HSPA4L: variants seen among roughly 807,000 people sequenced by gnomAD.
The protein encoded by HSPA4L is heat shock 70 kDa protein 4L.
In HSPA4L, 48 loss-of-function variants were observed where a neutral mutation model predicts 100.3. The observed-to-expected ratio is 0.48, with a 90% CI of 0.38 to 0.61. The LOEUF is 0.61. Ranked by LOEUF, HSPA4L falls within the 20% of genes least tolerant of loss-of-function variation. The probability of loss-of-function intolerance (pLI) is 0.00; values close to 1 mark genes in which losing one functional copy is unlikely to be tolerated. For synonymous variants in HSPA4L, 319 were observed against 328.2 expected, an observed-to-expected ratio of 0.97 and a Z score of 0.30; for missense variants, 886 against 988.6, an observed-to-expected ratio of 0.90 and a Z score of 1.39.
intron 4 of HSPA4L, among the ~76,000 whole-genome samples, chr4:127,799,016 CA>C (rs947585190): frequency 6.6e-6 from 1 of 152,076 alleles, no homozygotes; most frequent in African/African-American, 2.4e-5. Flanking sequence ...AGGACCTTAA[CA>C]TTTTATAGCA....
At chr4:127,795,739 T>G (rs775399179) in intron 2 of HSPA4L, 29 bp from the exon 3 acceptor site, 1 of 1,608,196 alleles carries the variant, frequency 6.2e-7, no homozygotes, top group Non-Finnish European at 8.5e-7. Context: ...ATTAGGTAAC[T>G]GATAAATACA....
At position 127,808,841 on chromosome 4, in the gene HSPA4L, C is replaced by G. The variant is rs139082271; in HGVS notation, c.1378+712C>G. ...AGGAGGCTGAGGCAGGAGAATTGCT[C>G]GAACCCAGGAGGCAGAGGCTGCAGT... On this transcript the variant is annotated intron_variant, in intron 11 of 18. Transcript: ENST00000296464. 1.3e-3 allele frequency among the ~76,000 whole-genome samples: 200 copies of G among 152,134 alleles called. 5 individuals carry two copies. In the East Asian group the frequency reaches 0.029, roughly 22 times the overall value.
intron 8 of HSPA4L, among the ~76,000 whole-genome samples, chr4:127,804,370 C>T (rs765283476): frequency 5.1e-4 from 77 of 151,994 alleles, no homozygotes; most frequent in Non-Finnish European, 1.0e-3. Flanking sequence ...CTTTGGGAGG[C>T]CGAGGTGGGT....
At chr4:127,789,377 T>C (rs1410947151) in intron 1 of HSPA4L, among the ~76,000 whole-genome samples, 1 of 152,236 alleles carries the variant, frequency 6.6e-6, no homozygotes, top group African/African-American at 2.4e-5. Flanking sequence ...CCGGGCACGG[T>C]GGCTCACGCC....
rs747943673 is a variant in HSPA4L, at chr4:127,803,817, T to C, written c.852T>C (p.Leu284=). The change falls in exon 7 of 19, where the codon CTT becomes CTC. Residue 284 remains leucine (L), a synonymous_variant. Transcript: ENST00000296464. ...KKLMSANASD[L]PLNIECFMND... The stretch of plus-strand genomic sequence containing the variant: ...TAATGAGTGCAAATGCATCAGATCT[T>C]CCATTGAACATTGAGTGTTTCATGA... 7 of 1,613,774 alleles carry C rather than the reference T, an allele frequency of 4.3e-6. No individual in the cohort carries two copies. Among genetic ancestry groups the C allele is most frequent in the Non-Finnish European group, 5.9e-6 (7 of 1,179,868 alleles).
At position 127,832,807 on chromosome 4, in the gene HSPA4L, C is replaced by CTTGAT. The variant is rs1428760016; in HGVS notation, c.2454_2455insTGATT (p.Lys819Ter). The CTTGAT allele has an allele frequency of 2.5e-6, 4 of 1,613,486 alleles. No individual in the cohort carries two copies. ...ATGGATGGACAGAGTGGAACTGAAA[C>CTTGAT]TAAATCAGATTCAACAAAAGACAGC... On this transcript the variant is annotated stop_gained and frameshift_variant, in exon 19 of 19. Coordinates refer to ENST00000296464, the MANE Select transcript of HSPA4L (RefSeq NM_014278.4). LOFTEE classifies it high-confidence loss of function.
chr4:127,823,691 C>T, intron 16 of HSPA4L, 67 bp downstream of exon 16: 1 of 869,948 alleles, frequency 1.1e-6, no homozygotes, highest in Non-Finnish European at 1.8e-6. Flanking sequence ...GGTGTAAGAG[C>T]ACAGTTTATG....
In HSPA4L at chr4:127,804,008, C is replaced by T. The variant is rs762559566; in HGVS notation, c.909-3C>T. 8.7e-6 allele frequency: 14 copies of T among 1,613,826 alleles called. No individual in the cohort carries two copies. The highest frequency in any genetic ancestry group is 1.2e-5 in the Non-Finnish European group (14 of 1,179,828). ...TAATGAATTTTATTCTATTTTCTCA[C>T]AGGGCTCAATTTGAACAACTGTGTG... On this transcript the variant is annotated splice_region_variant and splice_polypyrimidine_tract_variant and intron_variant, in intron 7 of 18. Transcript: ENST00000296464.
At chr4:127,791,248 T>C (rs1459429141) in intron 1 of HSPA4L, among the ~76,000 whole-genome samples, 1 of 152,232 alleles carries the variant, frequency 6.6e-6, no homozygotes, top group East Asian at 1.9e-4. Context: ...TAGTATTAAA[T>C]TTTTAGAATC....
intron 12 of HSPA4L, among the ~76,000 whole-genome samples, chr4:127,816,119 G>A (rs1733664867): frequency 2.0e-5 from 3 of 152,248 alleles, no homozygotes; most frequent in African/African-American, 7.2e-5. Flanking sequence ...GTTCATGGTA[G>A]TATCTAGATT....
chr4:127,809,133 C>A, intron 11 of HSPA4L: 1 of 714,462 alleles, frequency 1.4e-6, no homozygotes, highest in East Asian at 2.5e-5. Context: ...AAGTGCTCAC[C>A]ATTTGCCACT....
chr4:127,812,610 C>T, intron 12 of HSPA4L: 1 of 636,642 alleles, frequency 1.6e-6, no homozygotes, highest in Non-Finnish European at 2.8e-6. Flanking sequence ...GATTTTTTGT[C>T]TAATTACAAT....
intron 6 of HSPA4L, among the ~76,000 whole-genome samples, chr4:127,802,924 C>G (rs1413113843): frequency 6.6e-6 from 1 of 152,114 alleles, no homozygotes; most frequent in Admixed American, 6.6e-5. Context: ...AAAACCACCC[C>G]AACAGTAGGA....
chr4:127,812,808 C>G, intron 12 of HSPA4L: 4 of 1,385,368 alleles, frequency 2.9e-6, no homozygotes, highest in Non-Finnish European at 4.1e-6. Flanking sequence ...GTGGAGCAGG[C>G]TGGCGCTTTA....
Position 127,838,148 on chromosome 4 carries a change from T to C in HSPA4L, c.*5274T>C, listed in dbSNP as rs1450715855. On this transcript the variant is annotated 3_prime_UTR_variant, in exon 19 of 19. Coordinates refer to ENST00000296464, the MANE Select transcript of HSPA4L (RefSeq NM_014278.4). Reference sequence around the variant, plus strand: ...TGTTTTCTAACAAAACAGCTTTGGATTTATAATGCTGCCAGATGTCATTAC... The same window carrying C: ...TGTTTTCTAACAAAACAGCTTTGGACTTATAATGCTGCCAGATGTCATTAC... The C allele has an allele frequency of 1.3e-5, 2 of 152,216 alleles. No individual in the cohort carries two copies. The highest frequency in any genetic ancestry group is 2.1e-4 in the South Asian group (1 of 4,836). The allele number at this position is 152,216 out of a possible 1,614,324, so 9.4% of individuals were successfully genotyped here.
At chr4:127,810,247 T>A (rs1363699126) in intron 11 of HSPA4L, among the ~76,000 whole-genome samples, 4 of 152,220 alleles carry the variant, frequency 2.6e-5, no homozygotes, top group African/African-American at 9.6e-5. Flanking sequence ...ATTTTCAAAT[T>A]TTAAATTTTT....
chr4:127,788,667 A>G (rs919124757), intron 1 of HSPA4L, among the ~76,000 whole-genome samples: 3 of 152,232 alleles, frequency 2.0e-5, no homozygotes, highest in Non-Finnish European at 4.4e-5. Flanking sequence ...GATAACTGAC[A>G]GAATCTGAGA....
intron 12 of HSPA4L, among the ~76,000 whole-genome samples, chr4:127,814,912 T>C (rs1733633357): frequency 6.6e-6 from 1 of 152,228 alleles, no homozygotes; most frequent in African/African-American, 2.4e-5. Context: ...TTTAATTCTG[T>C]ATTTGGAAGT....
At chr4:127,813,603 G>A (rs1326699824) in intron 12 of HSPA4L, 1 of 181,048 alleles carries the variant, frequency 5.5e-6, no homozygotes. Flanking sequence ...AAAGTGCTTT[G>A]TATGCCTTCT....
Sources: gnomAD v4.1 joint callset for allele counts (sites outside exome capture counted in the v4.1 genomes callset) on GRCh38, gnomAD v4.1.1 for gene constraint, MANE v1.5 for transcripts, NCBI Gene and HGNC (gene_info 2026-07-23, HGNC 2026-07-21) for gene names.